Variants in RFT1 observed in about 807,000 individuals in gnomAD.
RFT1 encodes RFT1 glycolipid translocator homolog.
Under a neutral mutation model 62.2 loss-of-function variants are expected in RFT1, and 43 were observed. The ratio of observed to expected loss-of-function variants is 0.69; its 90% CI spans 0.54 to 0.89. RFT1 has a LOEUF of 0.89. Ranked by LOEUF, RFT1 falls within the 40% of genes least tolerant of loss-of-function variation. RFT1 has a pLI of 0.00. For synonymous variants in RFT1, 262 were observed against 264.6 expected, an observed-to-expected ratio of 0.99 and a Z score of 0.10; for missense variants, 605 against 649.9, an observed-to-expected ratio of 0.93 and a Z score of 0.75.
intron 6 of RFT1, among the ~76,000 whole-genome samples, chr3:53,118,317 G>A (rs1701866347): frequency 6.6e-6 from 1 of 152,144 alleles, no homozygotes; most frequent in African/African-American, 2.4e-5. Context: ...TGCTCTGGGG[G>A]CAGGGGGCAG....
intron 7 of RFT1, among the ~76,000 whole-genome samples, chr3:53,110,607 T>C (rs1701620149): frequency 1.3e-5 from 2 of 152,116 alleles, no homozygotes; most frequent in Admixed American, 6.5e-5. Context: ...AAGCGAGGCA[T>C]AGGGGGAGTT....
rs1399262962 is a variant in RFT1, at chr3:53,088,598, C to A, written c.*3305G>T. 6.6e-6 allele frequency: 1 copy of A among 152,238 alleles called. No homozygotes were observed. The highest frequency in any genetic ancestry group is 1.5e-5 in the Non-Finnish European group (1 of 68,112). The allele number at this position is 152,238 out of a possible 1,614,324, so 9.4% of individuals were successfully genotyped here. ...AAATGGCTGGTCTGGAATCCCAGCA[C>A]TTTGGGAGGCTGAGGCAGGAGGATC... On this transcript the variant is annotated 3_prime_UTR_variant, in exon 13 of 13. Transcript: ENST00000296292.
At chr3:53,115,499 C>A (rs760361841) in intron 6 of RFT1, among the ~76,000 whole-genome samples, 25 of 152,158 alleles carry the variant, frequency 1.6e-4, no homozygotes, top group Non-Finnish European at 3.7e-4. Flanking sequence ...GCCACCTGAC[C>A]CTAGCCTGGC....
intron 7 of RFT1, among the ~76,000 whole-genome samples, chr3:53,107,271 G>A (rs1445409446): frequency 1.3e-5 from 2 of 151,866 alleles, no homozygotes; most frequent in African/African-American, 4.8e-5. Flanking sequence ...GAGCAGCTGG[G>A]ACTACAGGCG....
chr3:53,109,300 G>A (rs1701581236), intron 7 of RFT1, among the ~76,000 whole-genome samples: 1 of 152,092 alleles, frequency 6.6e-6, no homozygotes, highest in Non-Finnish European at 1.5e-5. Flanking sequence ...TATGACCCTG[G>A]TTTCCTAGCA....
At chr3:53,077,155 A>G in the RFT1 span, among the ~76,000 whole-genome samples, 2 of 152,294 alleles carry the variant, frequency 1.3e-5, no homozygotes, top group African/African-American at 4.8e-5. Flanking sequence ...CAAAAGAGAA[A>G]TTAAATATAA....
downstream of RFT1, among the ~76,000 whole-genome samples, chr3:53,083,906 T>C (rs558823786): frequency 6.6e-6 from 1 of 152,346 alleles, no homozygotes; most frequent in East Asian, 1.9e-4. Flanking sequence ...TCAGCTCTAG[T>C]TCAGGAACAT....
chr3:53,118,062 A>C (rs1287951162), intron 6 of RFT1, among the ~76,000 whole-genome samples: 1 of 152,084 alleles, frequency 6.6e-6, no homozygotes, highest in African/African-American at 2.4e-5. Context: ...GCTAATTAAA[A>C]AAATTTTTTT....
At chr3:53,105,940 G>A in intron 8 of RFT1, 137 bp from the exon 9 acceptor site, 2 of 919,156 alleles carry the variant, frequency 2.2e-6, no homozygotes, top group South Asian at 3.3e-5. Flanking sequence ...AGAGTTATAA[G>A]AAGTAATAGT....
chr3:53,113,963 CAG>C (rs1701721841), intron 6 of RFT1, among the ~76,000 whole-genome samples: 1 of 152,192 alleles, frequency 6.6e-6, no homozygotes, highest in African/African-American at 2.4e-5. Flanking sequence ...CTCAGGGAAT[CAG>C]AGAACCTAGA....
chr3:53,103,028 G>C (rs1049061113), intron 10 of RFT1: 1 of 855,534 alleles, frequency 1.2e-6, no homozygotes, highest in African/African-American at 1.8e-5. Flanking sequence ...ACTTCTCACA[G>C]CACAAGCCCC....
At chr3:53,085,029 G>A (rs979118475), downstream of RFT1, among the ~76,000 whole-genome samples, 7 of 149,624 alleles carry the variant, frequency 4.7e-5, no homozygotes, top group African/African-American at 1.7e-4. Flanking sequence ...ATCTGTGCCA[G>A]TTCCATTTCT....
chr3:53,073,425 G>A, the RFT1 span, among the ~76,000 whole-genome samples: 1 of 152,212 alleles, frequency 6.6e-6, no homozygotes, highest in Non-Finnish European at 1.5e-5. Context: ...CGGAAGTCCC[G>A]CCTCTGTGGA....
Position 53,130,419 on chromosome 3 carries a change from A to G in RFT1, c.-19T>C. On this transcript the variant is annotated 5_prime_UTR_variant, in exon 1 of 13. Coordinates refer to ENST00000296292, the MANE Select transcript of RFT1 (RefSeq NM_052859.4). ...TGCCCATAGCCTCCGCGCCAGGCTC[A>G]GACACCAGGAAATGCCGCCGCCACT... The G allele has an allele frequency of 1.9e-6, 3 of 1,550,930 alleles. No individual in the cohort carries two copies. Among genetic ancestry groups the G allele is most frequent in the Non-Finnish European group, 2.6e-6 (3 of 1,147,162 alleles).
At chr3:53,128,280 A>G (rs1575507498) in intron 1 of RFT1, among the ~76,000 whole-genome samples, 1 of 152,314 alleles carries the variant, frequency 6.6e-6, no homozygotes, top group East Asian at 1.9e-4. Flanking sequence ...CCTGAGCAAC[A>G]GAGTGAGACT....
At chr3:53,068,354 C>T in the RFT1 span, among the ~76,000 whole-genome samples, 1 of 152,156 alleles carries the variant, frequency 6.6e-6, no homozygotes, top group Admixed American at 6.5e-5. Context: ...ACTCACTGGG[C>T]ACAGAGACCA....
In RFT1 at chr3:53,125,989, C is replaced by T; in HGVS notation, c.69G>A (p.Leu23=). Residue 23 remains leucine, a synonymous_variant, in exon 2 of 13, where the codon TTG becomes TTA. Transcript: ENST00000296292. ...LASSGLLLQV[L]FRLITFVLNA... ...TCAAGACAAAGGTGATCAACCGAAACAACACCTATAGAAAAAGAGGAAAAA... is the reference window on the plus strand; with the variant it reads ...TCAAGACAAAGGTGATCAACCGAAATAACACCTATAGAAAAAGAGGAAAAA... 3 of 1,612,482 alleles carry T rather than the reference C, an allele frequency of 1.9e-6. No individual in the cohort carries two copies. The highest frequency in any genetic ancestry group is 1.7e-6 in the Non-Finnish European group (2 of 1,178,792).
the RFT1 span, among the ~76,000 whole-genome samples, chr3:53,078,452 G>A: frequency 6.6e-6 from 1 of 152,112 alleles, no homozygotes; most frequent in Non-Finnish European, 1.5e-5. Context: ...ACATGGTATA[G>A]AATATTTTAA....
At chr3:53,099,708 TGGGCA>T (rs1038293381) in intron 10 of RFT1, among the ~76,000 whole-genome samples, 1 of 152,194 alleles carries the variant, frequency 6.6e-6, no homozygotes, top group Non-Finnish European at 1.5e-5. Context: ...AATGACAGGC[TGGGCA>T]CGGTGGCTCA....
Sources: allele counts gnomAD v4.1 joint callset (sites outside exome capture counted in the v4.1 genomes callset), GRCh38; gene constraint gnomAD v4.1.1; transcripts MANE v1.5; gene names NCBI Gene and HGNC (gene_info 2026-07-23, HGNC 2026-07-21).